CLIP2: variants seen among roughly 807,000 people sequenced by gnomAD.
CLIP2 encodes the protein CAP-Gly domain containing linker protein 2, also known as CAP-Gly domain-containing linker protein 2.
CLIP2 carries 41 observed loss-of-function variants against 111.7 expected under a neutral mutation model. The ratio of observed to expected loss-of-function variants is 0.37; its 90% CI spans 0.29 to 0.48. The LOEUF (loss-of-function observed/expected upper bound fraction) is 0.48, where lower values mean the gene tolerates loss of function less well. CLIP2 is among the 20% of genes least tolerant of loss of function. The probability of loss-of-function intolerance (pLI) is 0.99; values close to 1 mark genes in which losing one functional copy is unlikely to be tolerated. For missense variants in CLIP2, 1,160 were observed against 1,422.1 expected (o/e 0.82, Z 2.96); for synonymous variants, 660 against 644.2 (o/e 1.02, Z -0.37).
At chr7:74,320,458 G>C (rs1788917713) in intron 2 of CLIP2, among the ~76,000 whole-genome samples, 1 of 151,966 alleles carries the variant, frequency 6.6e-6, no homozygotes, top group Non-Finnish European at 1.5e-5. Context: ...GGAGGTCGAG[G>C]CTGCGGTGAG....
intron 2 of CLIP2, among the ~76,000 whole-genome samples, chr7:74,319,117 CAA>C (rs1436542015): frequency 6.6e-5 from 10 of 151,968 alleles, no homozygotes; most frequent in Middle Eastern, 3.4e-3. Flanking sequence ...AGAAGCCAGA[CAA>C]GAGAAAATTC....
At chr7:74,298,363 T>TG (rs1788231545) in intron 1 of CLIP2, among the ~76,000 whole-genome samples, 1 of 149,516 alleles carries the variant, frequency 6.7e-6, no homozygotes, top group Non-Finnish European at 1.5e-5. Context: ...TTGGTTTTTT[T>TG]TTTTTTTTTT....
At chr7:74,386,008 C>G (rs1275626113) in intron 11 of CLIP2, among the ~76,000 whole-genome samples, 1 of 149,538 alleles carries the variant, frequency 6.7e-6, no homozygotes, top group African/African-American at 2.5e-5. Context: ...TCCCAAAATG[C>G]TGGGATTATA....
At chr7:74,381,413 T>A (rs1554313890) in intron 11 of CLIP2, among the ~76,000 whole-genome samples, 1 of 152,138 alleles carries the variant, frequency 6.6e-6, no homozygotes, top group African/African-American at 2.4e-5. Flanking sequence ...GGTCTCGATC[T>A]CCTGACTGCG....
At chr7:74,301,242 C>T (rs1031336403) in intron 1 of CLIP2, among the ~76,000 whole-genome samples, 1 of 152,150 alleles carries the variant, frequency 6.6e-6, no homozygotes, top group African/African-American at 2.4e-5. Flanking sequence ...TGTGTGCACT[C>T]TTTTTATGTC....
intron 1 of CLIP2, among the ~76,000 whole-genome samples, chr7:74,313,197 C>T: frequency 6.6e-6 from 1 of 151,758 alleles, no homozygotes; most frequent in Non-Finnish European, 1.5e-5. Flanking sequence ...GTGGTGGTGG[C>T]ATGCACCTGT....
chr7:74,376,036 A>C lies in CLIP2; in HGVS notation c.1635A>C (p.Leu545=). ...CAGACGCCGCCGAGATCCTGCGGCT[A>C]CGGGAGCGGCTGCTCTCGGCCAGCA... ...DHPDAAEILR[L]RERLLSASKE... Residue 545 remains leucine (L), a synonymous_variant, in exon 10 of 17, where the codon CTA becomes CTC. Transcript: ENST00000223398. The surrounding 1 kb of genome is among the most constrained non-coding windows in gnomAD (Gnocchi z 7.1). The C allele has an allele frequency of 6.2e-7, 1 of 1,612,898 alleles. No homozygotes were observed. The highest frequency in any genetic ancestry group is 1.1e-5 in the South Asian group (1 of 91,060).
chr7:74,351,133 AAGAGAG>A (rs139848360), intron 3 of CLIP2, among the ~76,000 whole-genome samples: 3 of 147,752 alleles, frequency 2.0e-5, no homozygotes, highest in African/African-American at 5.0e-5. Flanking sequence ...GAGAGAAAGA[AAGAGAG>A]AGAGAGAGAG....
intron 10 of CLIP2, among the ~76,000 whole-genome samples, chr7:74,378,729 G>T (rs1473408456): frequency 6.6e-6 from 1 of 152,168 alleles, no homozygotes; most frequent in African/African-American, 2.4e-5. Context: ...GACAGTGTGA[G>T]GCTGTGACTC....
chr7:74,387,463 C>G (rs1363538223), intron 12 of CLIP2, among the ~76,000 whole-genome samples: 1 of 152,138 alleles, frequency 6.6e-6, no homozygotes, highest in Non-Finnish European at 1.5e-5. Flanking sequence ...GTTGGCCAGG[C>G]TGGTCTCCAA....
Position 74,386,572 on chromosome 7 carries a change from C to T in CLIP2, c.2531C>T (p.Ser844Phe). Residue 844 changes from serine (S) to phenylalanine (F), a missense_variant, in exon 12 of 17, where the codon TCC becomes TTC. This residue lies in a region of CLIP2 where 676 missense variants were observed against 777.8 expected (regional missense o/e 0.87). Transcript: ENST00000223398. The stretch of plus-strand genomic sequence containing the variant: ...GACAAAGAGGTGACAGCCTTGACCT[C>T]CCAGACCGAGATGCTCAGGGCCCAA... The part of the protein sequence containing the change: ...KRDKEVTALT[S>F]QTEMLRAQVS... 6.2e-7 allele frequency: 1 copy of T among 1,610,758 alleles called. No individual in the cohort carries two copies.
At chr7:74,343,776 G>T (rs1186898628) in intron 3 of CLIP2, among the ~76,000 whole-genome samples, 9 of 151,726 alleles carry the variant, frequency 5.9e-5, no homozygotes, top group African/African-American at 2.2e-4. Context: ...GGCGGTGCAT[G>T]CCTATGCTCC....
chr7:74,369,634 A>G (rs1315437475), intron 8 of CLIP2, among the ~76,000 whole-genome samples: 1 of 151,958 alleles, frequency 6.6e-6, no homozygotes, highest in African/African-American at 2.4e-5. Context: ...AGGCCAGCGG[A>G]TCATTCGAGG....
chr7:74,360,216 G>A lies in CLIP2; in HGVS notation c.1257G>A (p.Leu419=), dbSNP rs1554309450. Residue 419 remains leucine (L), a synonymous_variant, in exon 7 of 17, where the codon CTG becomes CTA. Transcript: ENST00000223398. ...AGGAGAAGCTGCAGCGAGCCCGGCT[G>A]CTCGTGGAGAGCGTGCGGAAAGAGA... The part of the protein sequence containing the change: ...EAEEKLQRAR[L]LVESVRKEKV... 6.2e-7 allele frequency: 1 copy of A among 1,608,398 alleles called. No homozygotes were observed. The highest frequency in any genetic ancestry group is 8.5e-7 in the Non-Finnish European group (1 of 1,177,636).
chr7:74,332,486 TGGG>T, intron 2 of CLIP2, among the ~76,000 whole-genome samples: 1 of 87,662 alleles, frequency 1.1e-5, no homozygotes. Flanking sequence ...TTTTTAGAGA[TGGG>T]GTCTTGCTAT....
intron 1 of CLIP2, among the ~76,000 whole-genome samples, chr7:74,314,707 G>A (rs896562607): frequency 1.3e-5 from 2 of 152,218 alleles, no homozygotes; most frequent in Non-Finnish European, 1.5e-5. Flanking sequence ...GGCAGAGGCC[G>A]AGTCCTGCCT....
chr7:74,317,807 G>A (rs1788829215), intron 2 of CLIP2, 140 bp downstream of exon 2: 2 of 1,113,938 alleles, frequency 1.8e-6, no homozygotes, highest in Non-Finnish European at 2.4e-6. Context: ...CTGTAATGGG[G>A]CCTGATCAAC....
intron 2 of CLIP2, among the ~76,000 whole-genome samples, chr7:74,329,846 C>G (rs1284058967): frequency 6.6e-6 from 1 of 152,124 alleles, no homozygotes; most frequent in Non-Finnish European, 1.5e-5. Flanking sequence ...ATGGCACGAT[C>G]TCAGCTCACT....
At chr7:74,348,111 A>C (rs1200087442) in intron 3 of CLIP2, among the ~76,000 whole-genome samples, 3 of 151,990 alleles carry the variant, frequency 2.0e-5, no homozygotes, top group Admixed American at 2.0e-4. Flanking sequence ...CAGAGGTTAC[A>C]GTGAGCCGAG....
Sources: gnomAD v4.1 joint callset for allele counts (sites outside exome capture counted in the v4.1 genomes callset) on GRCh38, gnomAD v4.1.1 for gene constraint, gnomAD v4.1.1 regional missense constraint, Gnocchi (gnomAD v3.1) non-coding constraint, MANE v1.5 for transcripts, NCBI Gene and HGNC (gene_info 2026-07-23, HGNC 2026-07-21) for gene names.